The following AFAP1L1 variants were observed in gnomAD, a reference collection of about 807,000 sequenced individuals.
AFAP1L1 encodes actin filament associated protein 1 like 1, also known as actin filament-associated protein 1-like 1.
A neutral mutation model predicts 99.8 loss-of-function variants in AFAP1L1; 77 were observed. The ratio of observed to expected loss-of-function variants is 0.77; its 90% CI spans 0.64 to 0.93. The LOEUF (loss-of-function observed/expected upper bound fraction) is 0.93, where lower values mean the gene tolerates loss of function less well. Among genes scored for constraint, AFAP1L1 ranks in the 40% least tolerant of loss-of-function variants. The pLI is 0.00. For synonymous variants in AFAP1L1, 373 were observed against 395.3 expected (o/e 0.94, Z 0.67); for missense variants, 893 against 996.8 (o/e 0.90, Z 1.40).
chr5:149,330,416 T>C, intron 16 of AFAP1L1, among the ~76,000 whole-genome samples: 1 of 152,222 alleles, frequency 6.6e-6, no homozygotes, highest in East Asian at 1.9e-4. Flanking sequence ...GTCCTGTTTC[T>C]ATATAACATG....
chr5:149,299,460 GAGCTGTGACTGTGC>G (rs773659978), intron 1 of AFAP1L1, 35 bp from the exon 2 acceptor site: 32 of 1,607,778 alleles, frequency 2.0e-5, no homozygotes, highest in South Asian at 7.7e-5. Context: ...CCCGGGCACA[GAGCTGTGACTGTGC>G]AGCTGTGACT....
chr5:149,324,688 G>A (rs995861060), intron 15 of AFAP1L1, among the ~76,000 whole-genome samples: 2 of 152,150 alleles, frequency 1.3e-5, no homozygotes, highest in Non-Finnish European at 2.9e-5. Flanking sequence ...GACGTTGGCC[G>A]GTCATCTGAA....
intron 1 of AFAP1L1, among the ~76,000 whole-genome samples, chr5:149,278,565 T>A (rs1332606671): frequency 6.6e-6 from 1 of 152,212 alleles, no homozygotes; most frequent in Non-Finnish European, 1.5e-5. Context: ...TTCTGCCTTC[T>A]CCCTGCCCCA....
intron 1 of AFAP1L1, among the ~76,000 whole-genome samples, chr5:149,286,805 A>G (rs1461796208): frequency 5.9e-5 from 9 of 152,198 alleles, no homozygotes; most frequent in Admixed American, 5.9e-4. Context: ...ATGTTGAGGA[A>G]ATTGAGGTCA....
intron 1 of AFAP1L1, among the ~76,000 whole-genome samples, chr5:149,294,958 T>C (rs917418647): frequency 4.6e-5 from 7 of 152,234 alleles, no homozygotes; most frequent in South Asian, 4.1e-4. Context: ...ACTTCACTTC[T>C]CTGAGCCTCC....
At chr5:149,306,099 C>T (rs1042879954) in intron 5 of AFAP1L1, among the ~76,000 whole-genome samples, 1 of 152,156 alleles carries the variant, frequency 6.6e-6, no homozygotes, top group Non-Finnish European at 1.5e-5. Context: ...CCTGGCAGGG[C>T]AGTTTCTGGT....
intron 5 of AFAP1L1, among the ~76,000 whole-genome samples, chr5:149,303,096 A>G (rs2127594814): frequency 6.6e-6 from 1 of 152,364 alleles, no homozygotes. Flanking sequence ...CTTTACTTCT[A>G]TTTAATTCAA....
chr5:149,321,722 C>CAAAAAAAAAAAAAAAAAAAAAAAAA (rs57366142), intron 14 of AFAP1L1, among the ~76,000 whole-genome samples: 1 of 63,768 alleles, frequency 1.6e-5, no homozygotes, highest in Non-Finnish European at 2.9e-5. Flanking sequence ...GACTCTGTCT[C>CAAAAAAAAAAAAAAAAAAAAAAAAA]AAAAAAAAAA....
intron 1 of AFAP1L1, among the ~76,000 whole-genome samples, chr5:149,298,848 G>A (rs1239869122): frequency 2.0e-5 from 3 of 152,134 alleles, no homozygotes; most frequent in Non-Finnish European, 4.4e-5. Flanking sequence ...GCAGAATCTC[G>A]GATCCCACCG....
intron 1 of AFAP1L1, among the ~76,000 whole-genome samples, chr5:149,275,470 T>C (rs1022891021): frequency 6.6e-6 from 1 of 150,652 alleles, no homozygotes; most frequent in Non-Finnish European, 1.5e-5. Flanking sequence ...CCTCTTCCTC[T>C]TCTTCTTCTT....
intron 1 of AFAP1L1, among the ~76,000 whole-genome samples, chr5:149,277,241 G>A (rs192637265): frequency 5.9e-4 from 90 of 152,220 alleles, no homozygotes; most frequent in African/African-American, 2.0e-3. Context: ...CTTTTGCTGC[G>A]TTCTGTGTTC....
intron 1 of AFAP1L1, among the ~76,000 whole-genome samples, chr5:149,284,248 G>A (rs1358773912): frequency 6.6e-6 from 1 of 152,248 alleles, no homozygotes; most frequent in African/African-American, 2.4e-5. Context: ...AGTCCTTACA[G>A]GTTGTGCGGC....
chr5:149,335,785 C>T (rs1757392055), intron 18 of AFAP1L1, 63 bp downstream of exon 18: 12 of 1,575,732 alleles, frequency 7.6e-6, no homozygotes, highest in Non-Finnish European at 1.0e-5. Flanking sequence ...TATGGAACTT[C>T]ACCCAAAACC....
intron 1 of AFAP1L1, among the ~76,000 whole-genome samples, chr5:149,272,526 G>T (rs887209271): frequency 1.3e-5 from 2 of 152,202 alleles, no homozygotes; most frequent in African/African-American, 4.8e-5. Context: ...CCTCGGCCCA[G>T]CCCTTCTCTC....
intron 9 of AFAP1L1, among the ~76,000 whole-genome samples, chr5:149,312,859 G>C (rs141202068): frequency 9.2e-4 from 139 of 151,360 alleles, no homozygotes; most frequent in African/African-American, 3.0e-3. Flanking sequence ...GGGCGCAGTG[G>C]CTCACGCCTG....
intron 6 of AFAP1L1, among the ~76,000 whole-genome samples, chr5:149,307,058 C>T (rs781349990): frequency 2.6e-5 from 4 of 152,032 alleles, no homozygotes; most frequent in Non-Finnish European, 5.9e-5. Context: ...ACCAGCCTGG[C>T]GAACATGGTG....
Position 149,342,167 on chromosome 5 carries a change from T to C in AFAP1L1, c.*2137T>C, listed in dbSNP as rs1400472942. Among the ~76,000 whole-genome samples the C allele has an allele frequency of 6.6e-6, 1 of 152,228 alleles. No homozygotes were observed. The highest frequency in any genetic ancestry group is 2.1e-4 in the South Asian group (1 of 4,832). ...TCTACTATTGCCTTCTTAATCATAT[T>C]TGAACAAGGAGTTCTGCTTTTCCTT... On this transcript the variant is annotated 3_prime_UTR_variant, in exon 19 of 19. Coordinates refer to ENST00000296721, the MANE Select transcript of AFAP1L1 (RefSeq NM_152406.4).
At chr5:149,330,881 C>A (rs1212758665) in intron 16 of AFAP1L1, among the ~76,000 whole-genome samples, 1 of 152,070 alleles carries the variant, frequency 6.6e-6, no homozygotes, top group African/African-American at 2.4e-5. Flanking sequence ...ACTGATATAT[C>A]TAGGGCCAAG....
Position 149,307,818 on chromosome 5 carries a change from T to TTCTCTCTCTCTCTCTCTCTCTCTCTC in AFAP1L1, c.747+219_747+244dup, listed in dbSNP as rs70973517. On this transcript the variant is annotated intron_variant, in intron 7 of 18. Coordinates refer to ENST00000296721, the MANE Select transcript of AFAP1L1 (RefSeq NM_152406.4). ...ACACACACACACCCTGTGCCTCTCTTTCTCTCTCTCTCTCTCTCTCTCTCT... is the reference window on the plus strand; with the variant it reads ...ACACACACACACCCTGTGCCTCTCTTTCTCTCTCTCTCTCTCTCTCTCTCTCTCTCTCTCTCTCTCTCTCTCTCTCT... Among the ~76,000 whole-genome samples the TTCTCTCTCTCTCTCTCTCTCTCTCTC allele has an allele frequency of 2.6e-3, 264 of 100,542 alleles. 45 individuals are homozygous for TTCTCTCTCTCTCTCTCTCTCTCTCTC. The highest frequency in any genetic ancestry group is 7.2e-3 in the Admixed American group (57 of 7,970). The allele number at this position is 100,542 out of a possible 152,430, so 66.0% of individuals were successfully genotyped here. A position where few individuals can be genotyped will look rare whatever the true frequency, so the allele number is the denominator to read the frequency against.
Sources: allele counts gnomAD v4.1 joint callset (sites outside exome capture counted in the v4.1 genomes callset), GRCh38; gene constraint gnomAD v4.1.1; transcripts MANE v1.5; gene names NCBI Gene and HGNC (gene_info 2026-07-23, HGNC 2026-07-21).